CAMK1D: variants seen among roughly 807,000 people sequenced by gnomAD.
The protein encoded by CAMK1D is calcium/calmodulin dependent protein kinase ID.
Under a neutral mutation model 47.7 loss-of-function variants are expected in CAMK1D, and 9 were observed. The observed-to-expected ratio is 0.19, with a 90% CI of 0.11 to 0.33. The LOEUF (loss-of-function observed/expected upper bound fraction) is 0.33. Among genes scored for constraint, CAMK1D ranks in the 10% least tolerant of loss-of-function variants. CAMK1D has a pLI of 1.00. For synonymous variants in CAMK1D, 184 were observed against 184.9 expected, an observed-to-expected ratio of 0.99 and a Z score of 0.04; for missense variants, 291 against 488.7, an observed-to-expected ratio of 0.60 and a Z score of 3.81.
At chr10:12,381,387 G>A (rs896312955) in intron 1 of CAMK1D, among the ~76,000 whole-genome samples, 1 of 150,770 alleles carries the variant, frequency 6.6e-6, no homozygotes. Context: ...TGTCACTCAG[G>A]CTGGAGTGCA....
At chr10:12,729,798 A>T (rs78133010) in intron 3 of CAMK1D, among the ~76,000 whole-genome samples, 190 of 152,182 alleles carry the variant, frequency 1.2e-3, no homozygotes, top group African/African-American at 4.5e-3. Context: ...GGCAGGGGGA[A>T]TGGTAAGTGA....
At chr10:12,734,346 ATATATATAT>A (rs1461083037) in intron 3 of CAMK1D, among the ~76,000 whole-genome samples, 7 of 4,576 alleles carry the variant, frequency 1.5e-3, no homozygotes, top group South Asian at 0.012. Context: ...AAAAAAAAAA[ATATATATAT>A]ATATATATAT....
chr10:12,581,536 C>G (rs114716673), intron 2 of CAMK1D, among the ~76,000 whole-genome samples: 1 of 152,164 alleles, frequency 6.6e-6, no homozygotes, highest in Non-Finnish European at 1.5e-5. Context: ...TTCACCGCAT[C>G]CCCACCAACA....
chr10:12,662,510 G>A (rs1163999420), intron 2 of CAMK1D, among the ~76,000 whole-genome samples: 1 of 152,116 alleles, frequency 6.6e-6, no homozygotes, highest in African/African-American at 2.4e-5. Context: ...AAATCAGCCG[G>A]GCATGGTGGC....
chr10:12,713,183 GC>G (rs1376025301), intron 3 of CAMK1D, among the ~76,000 whole-genome samples: 1 of 152,110 alleles, frequency 6.6e-6, no homozygotes, highest in Non-Finnish European at 1.5e-5. Context: ...CGATTCTCCT[GC>G]CTCAGCCTCC....
At chr10:12,393,977 T>G (rs1473222267) in intron 1 of CAMK1D, among the ~76,000 whole-genome samples, 1 of 152,188 alleles carries the variant, frequency 6.6e-6, no homozygotes, top group African/African-American at 2.4e-5. Context: ...CCCCCCAGGT[T>G]GAGGGCAGTT....
At chr10:12,376,437 A>G (rs1838184115) in intron 1 of CAMK1D, among the ~76,000 whole-genome samples, 1 of 152,188 alleles carries the variant, frequency 6.6e-6, no homozygotes, top group African/African-American at 2.4e-5. Context: ...AGACTTTTCC[A>G]GAGCCGGCTT....
At chr10:12,618,886 C>T (rs1838905571) in intron 2 of CAMK1D, among the ~76,000 whole-genome samples, 1 of 152,192 alleles carries the variant, frequency 6.6e-6, no homozygotes, top group Non-Finnish European at 1.5e-5. Context: ...ATTATTAATT[C>T]TGTTTTACTG....
intron 6 of CAMK1D, among the ~76,000 whole-genome samples, chr10:12,811,790 A>G (rs1832618017): frequency 6.6e-6 from 1 of 152,218 alleles, no homozygotes; most frequent in African/African-American, 2.4e-5. Context: ...ATGAACTAAC[A>G]TTTTGCTCTG....
At chr10:12,495,030 C>CT (rs1207192705) in intron 1 of CAMK1D, among the ~76,000 whole-genome samples, 1 of 152,094 alleles carries the variant, frequency 6.6e-6, no homozygotes, top group Admixed American at 6.6e-5. Flanking sequence ...CATGGAAAAC[C>CT]TTCTTATTGA....
At chr10:12,365,739 A>G (rs1231988744) in intron 1 of CAMK1D, among the ~76,000 whole-genome samples, 1 of 152,066 alleles carries the variant, frequency 6.6e-6, no homozygotes, top group Non-Finnish European at 1.5e-5. Context: ...CGCCCGGCCT[A>G]AAGATTATAG....
intron 5 of CAMK1D, among the ~76,000 whole-genome samples, chr10:12,777,923 G>A (rs1837332999): frequency 2.0e-5 from 3 of 152,186 alleles, no homozygotes; most frequent in Admixed American, 6.5e-5. Context: ...TGGCAGCTGC[G>A]AGGGAGGAGG....
In CAMK1D at chr10:12,353,292, G is replaced by A. The variant is rs182894021; in HGVS notation, c.92+3382G>A. On this transcript the variant is annotated intron_variant, in intron 1 of 10. Coordinates refer to ENST00000619168, the MANE Select transcript of CAMK1D (RefSeq NM_153498.4). Reference sequence around the variant, plus strand: ...TTTGTTTGCCCTACTTTCTCCCTACGTCTTTAAGATACGAAGGCAGGAAAG... The same window carrying A: ...TTTGTTTGCCCTACTTTCTCCCTACATCTTTAAGATACGAAGGCAGGAAAG... Among the ~76,000 whole-genome samples the A allele has an allele frequency of 4.6e-5, 7 of 152,220 alleles. No individual in the cohort carries two copies. The East Asian group carries it at 7.7e-4, about 17-fold the overall frequency.
At chr10:12,430,364 C>T (rs1335822266) in intron 1 of CAMK1D, among the ~76,000 whole-genome samples, 2 of 152,200 alleles carry the variant, frequency 1.3e-5, no homozygotes, top group Non-Finnish European at 2.9e-5. Flanking sequence ...TGGGCTTGCA[C>T]GGAACAGGTC....
chr10:12,555,398 C>T (rs774021969), intron 2 of CAMK1D, among the ~76,000 whole-genome samples: 2 of 152,158 alleles, frequency 1.3e-5, no homozygotes, highest in Non-Finnish European at 2.9e-5. Context: ...AACTTTGTAG[C>T]TTAAGGGTTT....
chr10:12,415,893 C>T (rs1839832073), intron 1 of CAMK1D: 2 of 151,726 alleles, frequency 1.3e-5, no homozygotes, highest in African/African-American at 4.8e-5. Context: ...GGAGCCTCGA[C>T]CTCCTGGGCT....
chr10:12,635,937 A>G (rs1361286199), intron 2 of CAMK1D, among the ~76,000 whole-genome samples: 1 of 152,242 alleles, frequency 6.6e-6, no homozygotes, highest in African/African-American at 2.4e-5. Flanking sequence ...AAACTATCCT[A>G]TTTAAAGTAG....
chr10:12,497,657 T>C (rs1379171924), intron 1 of CAMK1D, among the ~76,000 whole-genome samples: 1 of 152,154 alleles, frequency 6.6e-6, no homozygotes, highest in Non-Finnish European at 1.5e-5. Context: ...GTATCCCAAA[T>C]GGCTGGGCTT....
chr10:12,437,736 A>T (rs1832677728), intron 1 of CAMK1D, among the ~76,000 whole-genome samples: 2 of 152,180 alleles, frequency 1.3e-5, no homozygotes. Flanking sequence ...ATTTGGACAA[A>T]TAGCTAATGA....
Sources: gnomAD v4.1 joint callset for allele counts (sites outside exome capture counted in the v4.1 genomes callset) on GRCh38, gnomAD v4.1.1 for gene constraint, MANE v1.5 for transcripts, NCBI Gene and HGNC (gene_info 2026-07-23, HGNC 2026-07-21) for gene names.